EIF5A: variants seen among roughly 807,000 people sequenced by gnomAD.
The protein encoded by EIF5A is eukaryotic translation initiation factor 5A-1.
EIF5A carries 1 observed loss-of-function variant against 16.6 expected under a neutral mutation model. That is an observed-to-expected ratio of 0.06 (90% CI 0.02 to 0.28). The LOEUF (loss-of-function observed/expected upper bound fraction) is 0.28. Ranked by LOEUF, EIF5A falls within the 10% of genes least tolerant of loss-of-function variation. EIF5A has a pLI of 1.00. For synonymous variants in EIF5A, 80 were observed against 73.6 expected, an observed-to-expected ratio of 1.09 and a Z score of -0.44; for missense variants, 29 against 196.1, an observed-to-expected ratio of 0.15 and a Z score of 5.09.
At chr17:7,310,099 C>T in intron 2 of EIF5A, 1 of 1,372,060 alleles carries the variant, frequency 7.3e-7, no homozygotes. Flanking sequence ...TCAGTTGCTC[C>T]TTCCTTATTC....
At chr17:7,311,714 A>G in intron 5 of EIF5A, 63 bp downstream of exon 5, 1 of 1,600,038 alleles carries the variant, frequency 6.2e-7, no homozygotes, top group Non-Finnish European at 8.5e-7. Flanking sequence ...GAGCTGCTGT[A>G]GTCTTAATTG....
chr17:7,309,147 CAG>C (rs2072734446), intron 1 of EIF5A, among the ~76,000 whole-genome samples: 1 of 150,940 alleles, frequency 6.6e-6, no homozygotes, highest in Admixed American at 6.6e-5. Context: ...GGCAGTGTAA[CAG>C]ATGGGTGGGG....
chr17:7,311,513 A>G (rs2072826715), intron 4 of EIF5A, 32 bp downstream of exon 4: 1 of 1,613,908 alleles, frequency 6.2e-7, no homozygotes, highest in African/African-American at 1.3e-5. Flanking sequence ...TTCTGTGCTC[A>G]GCTTTGTTCT....
Position 7,309,818 on chromosome 17 carries a change from G to GC in EIF5A, c.165+19dup, listed in dbSNP as rs765794247. The GC allele has an allele frequency of 5.6e-6, 9 of 1,613,960 alleles. No individual in the cohort carries two copies. The highest frequency in any genetic ancestry group is 1.3e-5 in the African/African-American group (1 of 74,914). ...ACGCCAAGGTTAGAATTTCACCTCC[G>GC]CATCTTGCCTTCCCCATGCCTCCAG... is the stretch of plus-strand genomic sequence containing the variant. On this transcript the variant is annotated intron_variant, in intron 2 of 5. Transcript: ENST00000336458.
rs1011310252 is a variant in EIF5A at position 7,312,015 on chromosome 17, G to A, written c.*205G>A. On this transcript the variant is annotated 3_prime_UTR_variant, in exon 6 of 6. Transcript: ENST00000336458. ...CTAGCTCCCTTGGCCAGGAGCGAGC[G>A]AAGCTGTGGCCTTGGTGAAGCTGCC... is the stretch of plus-strand genomic sequence containing the variant. The A allele has an allele frequency of 1.3e-4, 39 of 297,978 alleles. No homozygotes were observed. Among genetic ancestry groups the A allele is most frequent in the African/African-American group, 7.4e-4 (34 of 46,102 alleles). The allele number at this position is 297,978 out of a possible 1,614,324, so 18.5% of individuals were successfully genotyped here. A position where few individuals can be genotyped will look rare whatever the true frequency, so the allele number is the denominator to read the frequency against.
chr17:7,309,155 T>C (rs1472162309), intron 1 of EIF5A, among the ~76,000 whole-genome samples: 2 of 145,038 alleles, frequency 1.4e-5, no homozygotes, highest in Non-Finnish European at 3.0e-5. Context: ...AACAGATGGG[T>C]GGGGCCTTGT....
intron 1 of EIF5A, chr17:7,308,332 G>C (rs2072696239): frequency 1.7e-6 from 2 of 1,172,884 alleles, no homozygotes; most frequent in African/African-American, 3.3e-5. Context: ...CCTCCCCCCA[G>C]GTCCCGGCCA....
At chr17:7,310,976 TTA>T (rs777896978) in intron 2 of EIF5A, 40 bp from the exon 3 acceptor site, 2 of 1,585,868 alleles carry the variant, frequency 1.3e-6, no homozygotes, top group Admixed American at 1.7e-5. Context: ...TTCCTCCGTT[TTA>T]GAGTTTGGTT....
chr17:7,310,644 A>G, intron 2 of EIF5A: 1 of 984,778 alleles, frequency 1.0e-6, no homozygotes, highest in Non-Finnish European at 1.2e-6. Flanking sequence ...TTTCCCTTCT[A>G]CCTTCCTTAT....
chr17:7,308,510 C>T, intron 1 of EIF5A: 1 of 1,351,368 alleles, frequency 7.4e-7, no homozygotes. Flanking sequence ...TTAGCGCTTC[C>T]CAACCTCAAG....
intron 1 of EIF5A, chr17:7,308,721 C>T (rs995649627): frequency 8.6e-6 from 5 of 580,006 alleles, no homozygotes; most frequent in African/African-American, 7.9e-5. Flanking sequence ...GCGTTCTTCA[C>T]CTTGTCACTG....
In EIF5A at chr17:7,307,646, A is replaced by G. The variant is rs978638011; in HGVS notation, c.-128A>G. ...CGCCTGCGTACTAAGACCCGTGTGC[A>G]GCAGCGGCGGCGGCGGTAGAGGCGG... On this transcript the variant is annotated 5_prime_UTR_variant, in exon 1 of 6. Transcript: ENST00000336458. 11 of 1,051,214 alleles carry G rather than the reference A, an allele frequency of 1.0e-5. No homozygotes were observed. Among genetic ancestry groups the G allele is most frequent in the Non-Finnish European group, 1.3e-5 (11 of 872,868 alleles). 65.1% of individuals were successfully genotyped at this position (1,051,214 alleles called of 1,614,324 possible). A position where few individuals can be genotyped will look rare whatever the true frequency, so the allele number is the denominator to read the frequency against.
At chr17:7,307,515 G>T, upstream of EIF5A, 1 of 1,023,856 alleles carries the variant, frequency 9.8e-7, no homozygotes, top group Non-Finnish European at 1.2e-6. Context: ...GGTGGAGATG[G>T]GTAGGGTGTG....
At chr17:7,310,264 C>G (rs1004038415) in intron 2 of EIF5A, 12 of 1,288,824 alleles carry the variant, frequency 9.3e-6, no homozygotes, top group Non-Finnish European at 1.2e-5. Context: ...TTCCCCAGTT[C>G]TAGCTTTCCC....
At chr17:7,308,102 C>T (rs1391643273) in intron 1 of EIF5A, 1 of 982,620 alleles carries the variant, frequency 1.0e-6, no homozygotes, top group East Asian at 1.2e-4. Context: ...CGGCTCAGCG[C>T]GGCCACGTGA....
chr17:7,307,067 T>G (rs529053202), upstream of EIF5A: 31 of 1,604,018 alleles, frequency 1.9e-5, no homozygotes, highest in Admixed American at 4.9e-4. Flanking sequence ...CTGGGGGGAC[T>G]GATTCCAAGA....
In EIF5A at chr17:7,307,697, G is replaced by A. The variant is rs574532298; in HGVS notation, c.-77G>A. 2 of 1,050,094 alleles carry A rather than the reference G, an allele frequency of 1.9e-6. No individual in the cohort carries two copies. The highest frequency in any genetic ancestry group is 1.7e-5 in the African/African-American group (1 of 57,894). 65.0% of individuals were successfully genotyped at this position (1,050,094 alleles called of 1,614,324 possible). A position where few individuals can be genotyped will look rare whatever the true frequency, so the allele number is the denominator to read the frequency against. On this transcript the variant is annotated 5_prime_UTR_variant, in exon 1 of 6. Coordinates refer to ENST00000336458, the MANE Select transcript of EIF5A (RefSeq NM_001970.5). Reference sequence around the variant, plus strand: ...CGGCGGCGGCGGCAGCGGGCTCGGAGGCAGCGGTTGGGCTCGCGGCGAGCG... The same window carrying A: ...CGGCGGCGGCGGCAGCGGGCTCGGAAGCAGCGGTTGGGCTCGCGGCGAGCG...
At chr17:7,309,995 AC>A in intron 2 of EIF5A, 195 bp downstream of exon 2, 1 of 1,528,952 alleles carries the variant, frequency 6.5e-7, no homozygotes, top group South Asian at 1.2e-5. Flanking sequence ...TTCTGTGGTT[AC>A]CCTTCTGTCC....
Position 7,311,487 on chromosome 17 carries a change from G to A in EIF5A, c.402+6G>A. On this transcript the variant is annotated splice_donor_region_variant and intron_variant, in intron 4 of 5. Transcript: ENST00000336458. The stretch of plus-strand genomic sequence containing the variant: ...ACTGTGGAGAAGAGATCCTGGTATG[G>A]TGCCTCCCTCCCTGCTTCTGTGCTC... 1.2e-6 allele frequency: 2 copies of A among 1,614,112 alleles called. No individual in the cohort carries two copies. Among genetic ancestry groups the A allele is most frequent in the Non-Finnish European group, 1.7e-6 (2 of 1,180,014 alleles).
Sources: allele counts gnomAD v4.1 joint callset (sites outside exome capture counted in the v4.1 genomes callset), GRCh38; gene constraint gnomAD v4.1.1; transcripts MANE v1.5; gene names NCBI Gene and HGNC (gene_info 2026-07-23, HGNC 2026-07-21).